The following ALK variants were observed in gnomAD, a reference collection of about 807,000 sequenced individuals.
The protein encoded by ALK is ALK tyrosine kinase receptor.
A neutral mutation model predicts 163.1 loss-of-function variants in ALK; 74 were observed. The ratio of observed to expected loss-of-function variants is 0.45; its 90% CI spans 0.38 to 0.55. ALK has a LOEUF of 0.55. ALK is among the 20% of genes least tolerant of loss of function. The pLI is 0.00. For missense variants in ALK, 2,063 were observed against 2,105.3 expected, an observed-to-expected ratio of 0.98 and a Z score of 0.39; for synonymous variants, 960 against 843.2, an observed-to-expected ratio of 1.14 and a Z score of -2.40.
intron 3 of ALK, among the ~76,000 whole-genome samples, chr2:29,678,488 T>C (rs1677960894): frequency 6.6e-6 from 1 of 151,580 alleles, no homozygotes; most frequent in African/African-American, 2.4e-5. Context: ...AGTTTTAATA[T>C]GTTTTATTTT....
intron 2 of ALK, among the ~76,000 whole-genome samples, chr2:29,703,476 A>G (rs1678808429): frequency 6.6e-6 from 1 of 152,194 alleles, no homozygotes; most frequent in Non-Finnish European, 1.5e-5. Flanking sequence ...GCTTTGTGCT[A>G]AGCCTCAGTC....
chr2:29,463,435 T>G (rs1671134038), intron 4 of ALK, among the ~76,000 whole-genome samples: 1 of 152,178 alleles, frequency 6.6e-6, no homozygotes. Context: ...AACTTCTACT[T>G]TGGCTCATGA....
intron 12 of ALK, among the ~76,000 whole-genome samples, chr2:29,244,834 C>T (rs1190512744): frequency 6.6e-6 from 1 of 152,258 alleles, no homozygotes; most frequent in Non-Finnish European, 1.5e-5. Flanking sequence ...ATCTCTCCTA[C>T]TATTGTCTAG....
At chr2:29,512,946 C>G (rs550387959) in intron 4 of ALK, among the ~76,000 whole-genome samples, 1 of 150,724 alleles carries the variant, frequency 6.6e-6, no homozygotes, top group Admixed American at 6.6e-5. Flanking sequence ...TTACAAGGGA[C>G]GTGAAGGACC....
At chr2:29,625,988 G>T (rs1676183273) in intron 3 of ALK, among the ~76,000 whole-genome samples, 1 of 152,206 alleles carries the variant, frequency 6.6e-6, no homozygotes, top group Non-Finnish European at 1.5e-5. Flanking sequence ...GGTTTACCAA[G>T]AGAGCAAGAT....
At chr2:29,512,247 A>G (rs962234204) in intron 4 of ALK, among the ~76,000 whole-genome samples, 5 of 152,128 alleles carry the variant, frequency 3.3e-5, no homozygotes, top group African/African-American at 1.2e-4. Flanking sequence ...AAAAATCCTC[A>G]ATAAAATACT....
At chr2:29,863,012 G>A (rs1460178021) in intron 1 of ALK, among the ~76,000 whole-genome samples, 1 of 152,128 alleles carries the variant, frequency 6.6e-6, no homozygotes, top group East Asian at 1.9e-4. Flanking sequence ...ATACAATGAG[G>A]AAAAGGATAG....
rs1212383227 is a variant in ALK at position 29,274,839 on chromosome 2, C to G, written c.2041+260G>C. Among the ~76,000 whole-genome samples the G allele has an allele frequency of 5.9e-5, 9 of 152,310 alleles. No individual in the cohort carries two copies. In the South Asian group the frequency reaches 1.7e-3, roughly 28 times the overall value. ...GAAAAAAATGCCAGCTTGGTTCTCT[C>G]CTTTGGGTGGGGCCTAGGTATTCCC... On this transcript the variant is annotated intron_variant, in intron 11 of 28. Coordinates refer to ENST00000389048, the MANE Select transcript of ALK (RefSeq NM_004304.5).
intron 3 of ALK, among the ~76,000 whole-genome samples, chr2:29,549,573 ATTTAAG>A (rs1455269807): frequency 7.2e-5 from 11 of 152,338 alleles, no homozygotes; most frequent in Admixed American, 1.3e-4. Context: ...ATTTTAATTA[ATTTAAG>A]TTTAAGTACT....
intron 4 of ALK, among the ~76,000 whole-genome samples, chr2:29,415,121 T>A (rs1038017944): frequency 1.3e-5 from 2 of 149,124 alleles, no homozygotes; most frequent in African/African-American, 5.0e-5. Context: ...TCTTCTTCCC[T>A]CACTATAAGT....
intron 12 of ALK, among the ~76,000 whole-genome samples, chr2:29,244,632 C>A (rs954506232): frequency 5.3e-5 from 8 of 152,182 alleles, no homozygotes; most frequent in African/African-American, 1.9e-4. Context: ...GCAGATGGAG[C>A]CTGTGGAGAG....
chr2:29,340,806 C>T (rs1192629257), intron 5 of ALK, among the ~76,000 whole-genome samples: 4 of 152,256 alleles, frequency 2.6e-5, no homozygotes, highest in Non-Finnish European at 5.9e-5. Context: ...GTTACCTTCT[C>T]AGCAAGGCCT....
chr2:29,211,745 T>C (rs1003307107), intron 24 of ALK, among the ~76,000 whole-genome samples: 3 of 150,326 alleles, frequency 2.0e-5, no homozygotes, highest in African/African-American at 4.9e-5. Flanking sequence ...AGACGTTTTT[T>C]CCATACAGAT....
intron 4 of ALK, among the ~76,000 whole-genome samples, chr2:29,521,310 G>C (rs1274585976): frequency 1.3e-5 from 2 of 152,082 alleles, no homozygotes; most frequent in Non-Finnish European, 2.9e-5. Flanking sequence ...GCTCTCAGTG[G>C]CCTCCCCTAG....
chr2:29,717,481 T>C, intron 2 of ALK, 97 bp downstream of exon 2: 1 of 1,440,686 alleles, frequency 6.9e-7, no homozygotes, highest in Non-Finnish European at 9.8e-7. Flanking sequence ...GCTGAGGGAA[T>C]GCCCTGGAGC....
At chr2:29,641,454 T>G (rs1265491287) in intron 3 of ALK, among the ~76,000 whole-genome samples, 1 of 152,112 alleles carries the variant, frequency 6.6e-6, no homozygotes, top group Non-Finnish European at 1.5e-5. Context: ...GTGAGTTGGA[T>G]CTGCTGAACA....
chr2:29,668,245 C>T (rs917036586), intron 3 of ALK, among the ~76,000 whole-genome samples: 13 of 151,552 alleles, frequency 8.6e-5, no homozygotes, highest in Admixed American at 6.6e-5. Context: ...TGCTGATCTT[C>T]TGTATTTTTT....
chr2:29,310,807 CA>C (rs1431837918), intron 8 of ALK, among the ~76,000 whole-genome samples: 6 of 152,290 alleles, frequency 3.9e-5, no homozygotes, highest in Admixed American at 3.9e-4. Context: ...CTCATCAGAA[CA>C]GGGAAGATTT....
At chr2:29,894,533 G>T (rs1486300388) in intron 1 of ALK, among the ~76,000 whole-genome samples, 1 of 152,004 alleles carries the variant, frequency 6.6e-6, no homozygotes, top group Non-Finnish European at 1.5e-5. Flanking sequence ...AATAACCTGG[G>T]GAGGGGGAGC....
Sources: allele counts gnomAD v4.1 joint callset (sites outside exome capture counted in the v4.1 genomes callset), GRCh38; gene constraint gnomAD v4.1.1; transcripts MANE v1.5; gene names NCBI Gene and HGNC (gene_info 2026-07-23, HGNC 2026-07-21).